The following FHIT variants were observed in gnomAD, a reference collection of about 807,000 sequenced individuals.
FHIT encodes fragile histidine triad diadenosine triphosphatase.
A neutral mutation model predicts 17.9 loss-of-function variants in FHIT; 19 were observed. The ratio of observed to expected loss-of-function variants is 1.06; its 90% confidence interval spans 0.74 to 1.56. The LOEUF is 1.56. Among genes scored for constraint, FHIT ranks in the 40% most tolerant of loss-of-function variants. The pLI is 0.00. For synonymous variants in FHIT, 81 were observed against 69.7 expected (o/e 1.16, Z -0.81); for missense variants, 248 against 189.2 (o/e 1.31, Z -1.82).
chr3:60,425,649 A>G (rs1702635062), intron 5 of FHIT, among the ~76,000 whole-genome samples: 1 of 152,148 alleles, frequency 6.6e-6, no homozygotes, highest in Non-Finnish European at 1.5e-5. Context: ...TCCACTTTTT[A>G]AAAGTGAAAA....
At chr3:60,448,922 G>T (rs1256276896) in intron 5 of FHIT, among the ~76,000 whole-genome samples, 1 of 152,072 alleles carries the variant, frequency 6.6e-6, no homozygotes, top group Non-Finnish European at 1.5e-5. Flanking sequence ...AATTCCTATG[G>T]GGCTAAGAAG....
chr3:61,192,622 G>C (rs1357956868), intron 2 of FHIT, among the ~76,000 whole-genome samples: 1 of 152,158 alleles, frequency 6.6e-6, no homozygotes, highest in Non-Finnish European at 1.5e-5. Context: ...GCAGCCAAAG[G>C]CATCTTCGGT....
At chr3:60,127,431 C>G (rs1490907275) in intron 5 of FHIT, among the ~76,000 whole-genome samples, 2 of 152,142 alleles carry the variant, frequency 1.3e-5, no homozygotes, top group Admixed American at 6.5e-5. Context: ...CTTCCTCCCC[C>G]TTTCCACCCA....
intron 8 of FHIT, among the ~76,000 whole-genome samples, chr3:59,894,032 C>T (rs921288229): frequency 1.3e-5 from 2 of 152,144 alleles, no homozygotes; most frequent in Non-Finnish European, 2.9e-5. Flanking sequence ...TTTGGGCGGC[C>T]AAGGCAGGCA....
chr3:60,491,070 C>G (rs1413769995), intron 5 of FHIT, among the ~76,000 whole-genome samples: 1 of 152,072 alleles, frequency 6.6e-6, no homozygotes, highest in Non-Finnish European at 1.5e-5. Flanking sequence ...CTTGCAGTAC[C>G]AAACCCACAA....
At chr3:60,044,826 G>A (rs1012069073) in intron 5 of FHIT, among the ~76,000 whole-genome samples, 1 of 152,104 alleles carries the variant, frequency 6.6e-6, no homozygotes, top group Non-Finnish European at 1.5e-5. Flanking sequence ...TTAAGGCAGT[G>A]CAAGAAACCT....
At chr3:60,524,206 ACACACAC>A in intron 5 of FHIT, among the ~76,000 whole-genome samples, 2 of 20,584 alleles carry the variant, frequency 9.7e-5, no homozygotes, top group South Asian at 7.4e-3. Flanking sequence ...AGACACACAC[ACACACAC>A]ACACACACAC....
At position 60,275,308 on chromosome 3, in the gene FHIT, C is replaced by T. The variant is rs563867645; in HGVS notation, c.104-261156G>A. On this transcript the variant is annotated intron_variant, in intron 5 of 9. Coordinates refer to ENST00000492590, the MANE Select transcript of FHIT (RefSeq NM_002012.4). ...TTACTCACCAGGGCTTATTTCAAGA[C>T]CCTCTCTGTGCCACAAACACAAGAC... is the stretch of plus-strand genomic sequence containing the variant. Among the ~76,000 whole-genome samples, 110 of 152,068 alleles carry T rather than the reference C, an allele frequency of 7.2e-4. 1 individual carries two copies. The highest frequency in any genetic ancestry group is 2.5e-3 in the African/African-American group (104 of 41,512).
At chr3:60,130,785 G>A (rs201725442) in intron 5 of FHIT, among the ~76,000 whole-genome samples, 1 of 130 alleles carries the variant, frequency 7.7e-3, no homozygotes, top group Non-Finnish European at 0.014. Flanking sequence ...TGTGTGTGTG[G>A]TGTGTATATA....
At chr3:60,826,882 C>A (rs978711253) in intron 3 of FHIT, among the ~76,000 whole-genome samples, 3 of 152,128 alleles carry the variant, frequency 2.0e-5, no homozygotes, top group Non-Finnish European at 4.4e-5. Context: ...ATCAAGGGAA[C>A]AATATGCTTG....
At chr3:60,908,057 A>G (rs111723012) in intron 3 of FHIT, among the ~76,000 whole-genome samples, 71 of 152,364 alleles carry the variant, frequency 4.7e-4, no homozygotes, top group Middle Eastern at 3.4e-3. Context: ...TTAGAGGAGC[A>G]AACACATTAA....
At chr3:60,325,943 C>T (rs556024449) in intron 5 of FHIT, among the ~76,000 whole-genome samples, 1 of 152,292 alleles carries the variant, frequency 6.6e-6, no homozygotes, top group South Asian at 2.1e-4. Flanking sequence ...CAGGGATCTA[C>T]TTAATTTCCG....
At chr3:60,612,023 C>A (rs2038800682) in intron 4 of FHIT, among the ~76,000 whole-genome samples, 1 of 152,086 alleles carries the variant, frequency 6.6e-6, no homozygotes, top group African/African-American at 2.4e-5. Context: ...CTCACCTAGC[C>A]CTCACCTGCT....
intron 8 of FHIT, among the ~76,000 whole-genome samples, chr3:59,760,451 CT>C (rs1299736716): frequency 6.6e-6 from 1 of 152,112 alleles, no homozygotes; most frequent in Non-Finnish European, 1.5e-5. Context: ...CCAGATATTA[CT>C]CCACTAACTA....
chr3:59,786,525 G>A (rs1575491947), intron 8 of FHIT, among the ~76,000 whole-genome samples: 1 of 152,210 alleles, frequency 6.6e-6, no homozygotes, highest in African/African-American at 2.4e-5. Context: ...GACGTGCGAT[G>A]CGTGATAAAA....
At chr3:60,239,873 T>G (rs907280771) in intron 5 of FHIT, among the ~76,000 whole-genome samples, 2 of 152,188 alleles carry the variant, frequency 1.3e-5, no homozygotes, top group African/African-American at 4.8e-5. Flanking sequence ...TCTAAGAAGT[T>G]GAGACCTTGG....
chr3:60,288,501 T>C (rs1707832015), intron 5 of FHIT, among the ~76,000 whole-genome samples: 1 of 152,054 alleles, frequency 6.6e-6, no homozygotes, highest in African/African-American at 2.4e-5. Context: ...AAAGTGACTG[T>C]GGTCCAGCAC....
chr3:60,574,741 G>A (rs1229474057), intron 4 of FHIT, among the ~76,000 whole-genome samples: 14 of 151,966 alleles, frequency 9.2e-5, no homozygotes, highest in Admixed American at 8.5e-4. Context: ...TCCATCAGTC[G>A]ACTCATATTT....
In FHIT at chr3:60,168,803, T is replaced by C. The variant is rs73831947; in HGVS notation, c.104-154651A>G. ...AGGTTGAAGATTATTTTTGTAACGA[T>C]TGATACTCTTTCTGCCACAGCAGTC... On this transcript the variant is annotated intron_variant, in intron 5 of 9. Coordinates refer to ENST00000492590, the MANE Select transcript of FHIT (RefSeq NM_002012.4). Among the ~76,000 whole-genome samples the C allele has an allele frequency of 8.4e-3, 1,274 of 152,328 alleles. 17 individuals are homozygous for C. The highest frequency in any genetic ancestry group is 0.029 in the African/African-American group (1,223 of 41,578).
Sources: allele counts gnomAD v4.1 joint callset (sites outside exome capture counted in the v4.1 genomes callset), GRCh38; gene constraint gnomAD v4.1.1; transcripts MANE v1.5; gene names NCBI Gene and HGNC (gene_info 2026-07-23, HGNC 2026-07-21).